The following ADAMTSL3 variants were observed in gnomAD, a reference collection of about 807,000 sequenced individuals.
ADAMTSL3 encodes the protein ADAMTS like 3, also known as ADAMTS-like protein 3.
In ADAMTSL3, 128 loss-of-function variants were observed where a neutral mutation model predicts 201.7. That is an observed-to-expected ratio of 0.63 (90% confidence interval 0.55 to 0.73). The LOEUF is 0.73. ADAMTSL3 is among the 30% of genes least tolerant of loss of function. The pLI, the probability that ADAMTSL3 is intolerant of heterozygous loss-of-function variation, is 0.00. For synonymous variants in ADAMTSL3, 738 were observed against 748.4 expected, an observed-to-expected ratio of 0.99 and a Z score of 0.23; for missense variants, 1,990 against 2,119.6, an observed-to-expected ratio of 0.94 and a Z score of 1.20.
chr15:83,955,909 C>G (rs961108334), intron 19 of ADAMTSL3, among the ~76,000 whole-genome samples: 1 of 152,048 alleles, frequency 6.6e-6, no homozygotes, highest in African/African-American at 2.4e-5. Flanking sequence ...GCAGGTACTT[C>G]CCCAGCTGCC....
intron 5 of ADAMTSL3, among the ~76,000 whole-genome samples, chr15:83,808,915 CAAA>C (rs548968833): frequency 1.0e-5 from 1 of 96,804 alleles, no homozygotes; most frequent in Non-Finnish European, 2.4e-5. Flanking sequence ...ACGTGGAATC[CAAA>C]AAAAAAAAAA....
chr15:83,819,659 A>G, intron 5 of ADAMTSL3, 152 bp from the exon 6 acceptor site: 1 of 547,794 alleles, frequency 1.8e-6, no homozygotes, highest in Non-Finnish European at 3.1e-6. Context: ...TCAACGTTGA[A>G]TCAAAAAAAA....
intron 15 of ADAMTSL3, among the ~76,000 whole-genome samples, chr15:83,900,534 A>G (rs1426208451): frequency 6.6e-6 from 1 of 152,220 alleles, no homozygotes; most frequent in Admixed American, 6.5e-5. Flanking sequence ...TCCATGTCAA[A>G]CATGTTAAGT....
chr15:83,838,315 G>T, intron 7 of ADAMTSL3, 100 bp downstream of exon 7: 1 of 1,427,742 alleles, frequency 7.0e-7, no homozygotes. Flanking sequence ...TTTTTTAGTT[G>T]GAAGTAGCTT....
intron 3 of ADAMTSL3, among the ~76,000 whole-genome samples, chr15:83,734,913 A>G (rs1368036916): frequency 6.6e-6 from 1 of 152,026 alleles, no homozygotes; most frequent in Non-Finnish European, 1.5e-5. Context: ...TGAGATGGTC[A>G]TCCAGCCTCT....
chr15:83,670,858 G>C (rs1007648598), intron 2 of ADAMTSL3, among the ~76,000 whole-genome samples: 2 of 152,170 alleles, frequency 1.3e-5, no homozygotes, highest in Non-Finnish European at 2.9e-5. Flanking sequence ...ACCAACTATT[G>C]CCAATGGTGT....
At chr15:83,888,396 A>T (rs898848929) in intron 10 of ADAMTSL3, among the ~76,000 whole-genome samples, 4 of 120,528 alleles carry the variant, frequency 3.3e-5, no homozygotes, top group African/African-American at 1.4e-4. Context: ...TTCTATTTAG[A>T]ACAAAGATTT....
intron 3 of ADAMTSL3, among the ~76,000 whole-genome samples, chr15:83,717,842 A>C (rs2062040589): frequency 6.6e-6 from 1 of 152,354 alleles, no homozygotes; most frequent in East Asian, 1.9e-4. Flanking sequence ...AATGAGATTT[A>C]AAACTTTTTG....
chr15:84,028,199 C>T (rs773252454), intron 27 of ADAMTSL3, among the ~76,000 whole-genome samples: 17 of 152,010 alleles, frequency 1.1e-4, no homozygotes, highest in Non-Finnish European at 2.2e-4. Flanking sequence ...CTCTAAATTC[C>T]GTTAACATTC....
intron 23 of ADAMTSL3, among the ~76,000 whole-genome samples, chr15:84,007,273 G>A (rs1211107426): frequency 3.3e-5 from 5 of 152,138 alleles, no homozygotes; most frequent in African/African-American, 1.2e-4. Flanking sequence ...GAACCACCTC[G>A]AACTGGCTTA....
intron 4 of ADAMTSL3, among the ~76,000 whole-genome samples, chr15:83,782,354 G>A (rs567832597): frequency 3.9e-5 from 6 of 152,220 alleles, no homozygotes; most frequent in Admixed American, 3.9e-4. Flanking sequence ...ACGGGTGCCT[G>A]TAATTCCAGC....
chr15:83,766,598 C>G (rs1447012192), intron 3 of ADAMTSL3, among the ~76,000 whole-genome samples: 1 of 152,108 alleles, frequency 6.6e-6, no homozygotes, highest in Admixed American at 6.5e-5. Flanking sequence ...GATAGCTGGG[C>G]TGCTGTATTT....
At chr15:83,971,612 T>C (rs984294056) in intron 20 of ADAMTSL3, among the ~76,000 whole-genome samples, 2 of 144,314 alleles carry the variant, frequency 1.4e-5, no homozygotes, top group Non-Finnish European at 3.0e-5. Context: ...TGTTAAAACA[T>C]GTAAGCCGAG....
At chr15:83,990,482 G>A (rs912965627) in intron 22 of ADAMTSL3, among the ~76,000 whole-genome samples, 2 of 152,138 alleles carry the variant, frequency 1.3e-5, no homozygotes, top group African/African-American at 4.8e-5. Context: ...CTTGTACCCA[G>A]GTGCAGACCA....
intron 6 of ADAMTSL3, among the ~76,000 whole-genome samples, chr15:83,831,631 T>C (rs2064158929): frequency 6.6e-6 from 1 of 152,118 alleles, no homozygotes; most frequent in African/African-American, 2.4e-5. Context: ...TGGGCTCAAG[T>C]GATTCTCCCA....
At chr15:83,991,602 T>C (rs1288635746) in intron 23 of ADAMTSL3, among the ~76,000 whole-genome samples, 2 of 152,204 alleles carry the variant, frequency 1.3e-5, no homozygotes, top group Non-Finnish European at 2.9e-5. Flanking sequence ...TTGTAAGACA[T>C]GTCCTCTAGA....
At chr15:83,668,498 C>CTG (rs747149535) in intron 2 of ADAMTSL3, among the ~76,000 whole-genome samples, 3,187 of 150,718 alleles carry the variant, frequency 0.021, 107 homozygotes, top group African/African-American at 0.07. Context: ...TTTTTTATTT[C>CTG]TGTGTGTATG....
chr15:83,876,478 T>G (rs561691635), intron 9 of ADAMTSL3, among the ~76,000 whole-genome samples: 19 of 152,330 alleles, frequency 1.2e-4, no homozygotes, highest in Admixed American at 7.2e-4. Context: ...GGCTATCAGT[T>G]TGCCTATACA....
At chr15:83,685,962 C>T (rs577488838) in intron 2 of ADAMTSL3, among the ~76,000 whole-genome samples, 3 of 152,122 alleles carry the variant, frequency 2.0e-5, no homozygotes, top group Non-Finnish European at 4.4e-5. Flanking sequence ...AGAGAAACCC[C>T]GCAATGGGCT....
Sources: gnomAD v4.1 joint callset for allele counts (sites outside exome capture counted in the v4.1 genomes callset) on GRCh38, gnomAD v4.1.1 for gene constraint, MANE v1.5 for transcripts, NCBI Gene and HGNC (gene_info 2026-07-23, HGNC 2026-07-21) for gene names.